Variants in DRC11 observed in about 807,000 individuals in gnomAD.
The protein encoded by DRC11 is IQ and AAA domain-containing protein 1.
At chr2:236,307,425 C>A in the DRC11 span, among the ~76,000 whole-genome samples, 1 of 152,300 alleles carries the variant, frequency 6.6e-6, no homozygotes, top group Non-Finnish European at 1.5e-5. The surrounding 1 kb of genome is among the most constrained non-coding windows in gnomAD (Gnocchi z 7.0). Flanking sequence ...TGTCCCTGAG[C>A]CAGGGCTGTT....
chr2:236,403,129 AGG>A, the DRC11 span, among the ~76,000 whole-genome samples: 1 of 147,324 alleles, frequency 6.8e-6, no homozygotes, highest in African/African-American at 2.5e-5. Context: ...AAGGAAGAGG[AGG>A]AGGGGGAGGG....
the DRC11 span, among the ~76,000 whole-genome samples, chr2:236,479,228 T>C: frequency 6.6e-6 from 1 of 152,238 alleles, no homozygotes; most frequent in African/African-American, 2.4e-5. The surrounding 1 kb of genome is among the most constrained non-coding windows in gnomAD (Gnocchi z 4.1). Context: ...TCCATGTGTG[T>C]CTTTATAGGT....
At chr2:236,391,924 C>A in the DRC11 span, 11 of 1,514,284 alleles carry the variant, frequency 7.3e-6, no homozygotes, top group Non-Finnish European at 1.0e-5. The surrounding 1 kb of genome is among the most constrained non-coding windows in gnomAD (Gnocchi z 4.5). Flanking sequence ...GGCTGCTTTT[C>A]ATGACTGAAT....
At chr2:236,437,555 C>A in the DRC11 span, among the ~76,000 whole-genome samples, 2 of 150,834 alleles carry the variant, frequency 1.3e-5, no homozygotes, top group African/African-American at 4.9e-5. Flanking sequence ...TACAGTCCCA[C>A]CAACAGTGTA....
the DRC11 span, among the ~76,000 whole-genome samples, chr2:236,474,202 G>A: frequency 2.0e-5 from 3 of 152,018 alleles, no homozygotes; most frequent in Non-Finnish European, 4.4e-5. Context: ...AATGCCAAGT[G>A]AAGACACACT....
chr2:236,324,845 A>C, the DRC11 span: 4 of 1,187,770 alleles, frequency 3.4e-6, no homozygotes, highest in Non-Finnish European at 4.9e-6. This position sits in a 1 kb window ranked among gnomAD's most constrained non-coding sequence, Gnocchi z 5.7. Flanking sequence ...CAATACTCTT[A>C]AAAATAAAGA....
the DRC11 span, chr2:236,441,191 T>C: frequency 9.4e-7 from 1 of 1,063,664 alleles, no homozygotes; most frequent in Non-Finnish European, 1.4e-6. Flanking sequence ...CCCCATTTAT[T>C]TGCTTATGTT....
the DRC11 span, among the ~76,000 whole-genome samples, chr2:236,381,017 T>C: frequency 2.0e-5 from 3 of 152,192 alleles, no homozygotes; most frequent in African/African-American, 7.2e-5. This position sits in a 1 kb window ranked among gnomAD's most constrained non-coding sequence, Gnocchi z 5.8. Flanking sequence ...TGAATGCTTG[T>C]GTTCCCCCAA....
chr2:236,492,222 C>G, the DRC11 span, among the ~76,000 whole-genome samples: 3 of 152,144 alleles, frequency 2.0e-5, no homozygotes, highest in African/African-American at 7.2e-5. Flanking sequence ...GCCAGTATGT[C>G]AGGAAAGGTT....
the DRC11 span, chr2:236,465,784 C>A: frequency 8.8e-6 from 8 of 905,006 alleles, no homozygotes; most frequent in East Asian, 1.8e-4. The surrounding 1 kb of genome is among the most constrained non-coding windows in gnomAD (Gnocchi z 6.2). Flanking sequence ...AGAAACTGAA[C>A]AAATGTGTTA....
the DRC11 span, among the ~76,000 whole-genome samples, chr2:236,466,202 T>C: frequency 6.6e-6 from 1 of 152,214 alleles, no homozygotes; most frequent in Non-Finnish European, 1.5e-5. Context: ...CTACTGGTTA[T>C]CTTAAAATTT....
the DRC11 span, among the ~76,000 whole-genome samples, chr2:236,481,925 ATATGTATAATTC>A: frequency 1.3e-5 from 2 of 148,964 alleles, no homozygotes; most frequent in African/African-American, 4.9e-5. Flanking sequence ...TCTACATATT[ATATGTATAATTC>A]TATGTATAAT....
the DRC11 span, among the ~76,000 whole-genome samples, chr2:236,310,282 C>G: frequency 6.6e-6 from 1 of 152,186 alleles, no homozygotes; most frequent in Non-Finnish European, 1.5e-5. The surrounding 1 kb of genome is among the most constrained non-coding windows in gnomAD (Gnocchi z 5.5). Context: ...AATCCAGATG[C>G]TAAGCATTTG....
At chr2:236,389,997 T>C in the DRC11 span, among the ~76,000 whole-genome samples, 1 of 152,178 alleles carries the variant, frequency 6.6e-6, no homozygotes, top group South Asian at 2.1e-4. Context: ...GACTATCTGG[T>C]CCCTAGTATT....
the DRC11 span, among the ~76,000 whole-genome samples, chr2:236,342,520 G>A: frequency 6.6e-6 from 1 of 152,206 alleles, no homozygotes; most frequent in South Asian, 2.1e-4. The surrounding 1 kb of genome is among the most constrained non-coding windows in gnomAD (Gnocchi z 5.8). Flanking sequence ...CAGCAGGACT[G>A]GCCCAGTCAT....
chr2:236,392,330 C>T, the DRC11 span: 5 of 1,587,976 alleles, frequency 3.1e-6, no homozygotes, highest in Admixed American at 1.8e-5. The surrounding 1 kb of genome is among the most constrained non-coding windows in gnomAD (Gnocchi z 5.1). Flanking sequence ...TTCCAAGACT[C>T]ATCTTTTTTC....
At chr2:236,416,745 ATAT>A in the DRC11 span, among the ~76,000 whole-genome samples, 3 of 59,618 alleles carry the variant, frequency 5.0e-5, no homozygotes, top group African/African-American at 1.2e-4. Context: ...ATATATATAT[ATAT>A]ATATATATAT....
the DRC11 span, among the ~76,000 whole-genome samples, chr2:236,380,966 C>T: frequency 6.6e-6 from 1 of 152,186 alleles, no homozygotes; most frequent in Non-Finnish European, 1.5e-5. The surrounding 1 kb of genome is among the most constrained non-coding windows in gnomAD (Gnocchi z 4.9). Flanking sequence ...TGTGCACATA[C>T]AGGAGTCAAG....
chr2:236,341,538 G>A, the DRC11 span, among the ~76,000 whole-genome samples: 2 of 152,206 alleles, frequency 1.3e-5, no homozygotes, highest in Admixed American at 1.3e-4. Context: ...GAACAGGAGT[G>A]TGTGCAGGAG....
Sources: allele counts gnomAD v4.1 joint callset (sites outside exome capture counted in the v4.1 genomes callset), GRCh38; gene constraint gnomAD v4.1.1; non-coding constraint Gnocchi (gnomAD v3.1); transcripts MANE v1.5; gene names NCBI Gene and HGNC (gene_info 2026-07-23, HGNC 2026-07-21).